ALS2: variants seen among roughly 807,000 people sequenced by gnomAD.
The protein encoded by ALS2 is alsin Rho guanine nucleotide exchange factor ALS2, also known as alsin.
A neutral mutation model predicts 203.4 loss-of-function variants in ALS2; 117 were observed. The observed-to-expected ratio is 0.58, with a 90% confidence interval of 0.50 to 0.67. The LOEUF (loss-of-function observed/expected upper bound fraction) is 0.67, where lower values mean the gene tolerates loss of function less well. Ranked by LOEUF, ALS2 falls within the 30% of genes least tolerant of loss-of-function variation. ALS2 has a pLI of 0.00. For synonymous variants in ALS2, 718 were observed against 725.9 expected (o/e 0.99, Z 0.17); for missense variants, 1,715 against 1,989.4 (o/e 0.86, Z 2.62).
Position 201,706,897 on chromosome 2 carries a change from C to T in ALS2, c.4529G>A (p.Arg1510Gln), listed in dbSNP as rs1163582192. Residue 1510 changes from arginine to glutamine, a missense_variant, in exon 29 of 34, where the codon CGA (arginine) becomes CAA (glutamine). By Grantham distance (43) the Arg-to-Gln change is conservative. This residue lies in a region of ALS2 where 1,227 missense variants were observed against 1,413.5 expected (regional missense o/e 0.87). Transcript: ENST00000264276. ...AGCAATATCTGGCTGCTTATTTAGT[C>T]GAAGGACACATTCCCAGTAAATGTC... ...EEDIYWECVL[R>Q]LNKQPDIALL... is the part of the protein sequence containing the mutation. The T allele has an allele frequency of 1.1e-5, 17 of 1,613,926 alleles. No individual in the cohort carries two copies. The highest frequency in any genetic ancestry group is 2.2e-5 in the South Asian group (2 of 91,080).
At chr2:201,775,304 G>A (rs1174510688) in intron 1 of ALS2, among the ~76,000 whole-genome samples, 1 of 152,086 alleles carries the variant, frequency 6.6e-6, no homozygotes, top group Non-Finnish European at 1.5e-5. Context: ...AGTGACAAGT[G>A]ATTTGGATAC....
chr2:201,721,124 A>G (rs1319871962), intron 23 of ALS2, among the ~76,000 whole-genome samples: 2 of 152,252 alleles, frequency 1.3e-5, no homozygotes, highest in Non-Finnish European at 2.9e-5. Context: ...GAAATGCAAG[A>G]TGTGTACACT....
chr2:201,747,658 C>G (rs1692756742), intron 8 of ALS2, among the ~76,000 whole-genome samples: 1 of 152,032 alleles, frequency 6.6e-6, no homozygotes, highest in South Asian at 2.1e-4. Context: ...ACCGTGTTAG[C>G]CAGGATGGTC....
At chr2:201,764,675 AAATAAAT>A (rs1693982771) in intron 3 of ALS2, among the ~76,000 whole-genome samples, 2 of 151,200 alleles carry the variant, frequency 1.3e-5, no homozygotes, top group South Asian at 4.2e-4. Context: ...ATAAATAAAT[AAATAAAT>A]AAAAGTGAAT....
At chr2:201,777,990 T>C (rs1168834480) in intron 1 of ALS2, among the ~76,000 whole-genome samples, 3 of 152,164 alleles carry the variant, frequency 2.0e-5, no homozygotes, top group Non-Finnish European at 4.4e-5. Context: ...ATTGCTCTTT[T>C]AAAGAGCTGC....
In ALS2 at chr2:201,727,184, T is replaced by C. The variant is rs184525874; in HGVS notation, c.2979+28A>G. The C allele has an allele frequency of 1.1e-4, 181 of 1,579,040 alleles. 1 individual carries two copies. The African/African-American group carries it at 1.7e-3, about 15-fold the overall frequency. On this transcript the variant is annotated intron_variant, in intron 17 of 33. Transcript: ENST00000264276. ...GAGGCAGAAAGAGCCAGGGCGAAGA[T>C]TGAAGGAAAATACCATAATAGACTA...
In ALS2 at chr2:201,700,876, T is replaced by A. The variant is rs1267412657; in HGVS notation, c.*975A>T. On this transcript the variant is annotated 3_prime_UTR_variant, in exon 34 of 34. Coordinates refer to ENST00000264276, the MANE Select transcript of ALS2 (RefSeq NM_020919.4). ...GAAATGTTGAGGTGCCACAATACTTTTGAGATGGAAAAAGCCAAAGCTTGT... is the reference window on the plus strand; with the variant it reads ...GAAATGTTGAGGTGCCACAATACTTATGAGATGGAAAAAGCCAAAGCTTGT... The A allele has an allele frequency of 1.3e-5, 2 of 152,324 alleles. No individual in the cohort carries two copies. Among genetic ancestry groups the A allele is most frequent in the African/African-American group, 4.8e-5 (2 of 41,456 alleles). 9.4% of individuals were successfully genotyped at this position (152,324 alleles called of 1,614,324 possible). A position where few individuals can be genotyped will look rare whatever the true frequency, so the allele number is the denominator to read the frequency against.
chr2:201,755,747 A>T (rs1693342803), intron 5 of ALS2, among the ~76,000 whole-genome samples: 1 of 152,242 alleles, frequency 6.6e-6, no homozygotes, highest in African/African-American at 2.4e-5. Context: ...TTTTACAGAG[A>T]TGTTAAAAAA....
intron 29 of ALS2, among the ~76,000 whole-genome samples, chr2:201,706,627 T>TA (rs1175217324): frequency 1.3e-5 from 2 of 148,444 alleles, no homozygotes; most frequent in Admixed American, 6.7e-5. Flanking sequence ...GAAAACATAA[T>TA]AAAAAACACA....
chr2:201,751,326 A>T (rs925223066), intron 7 of ALS2, among the ~76,000 whole-genome samples: 1 of 152,180 alleles, frequency 6.6e-6, no homozygotes, highest in Non-Finnish European at 1.5e-5. Flanking sequence ...CACTGCACGC[A>T]CATTTTCTCC....
At chr2:201,724,005 C>G (rs1397593885) in intron 21 of ALS2, among the ~76,000 whole-genome samples, 1 of 152,076 alleles carries the variant, frequency 6.6e-6, no homozygotes, top group Non-Finnish European at 1.5e-5. Flanking sequence ...GTGGTCCCAG[C>G]TACTTGGTAG....
intron 3 of ALS2, among the ~76,000 whole-genome samples, chr2:201,766,526 G>C (rs752267506): frequency 3.8e-4 from 58 of 151,840 alleles, no homozygotes; most frequent in Non-Finnish European, 7.5e-4. Context: ...GTGAGCACCT[G>C]TAATCCCAGC....
chr2:201,757,543 C>T lies in ALS2; in HGVS notation c.1330G>A (p.Glu444Lys), dbSNP rs367776747. 1.7e-5 allele frequency: 27 copies of T among 1,614,006 alleles called. No homozygotes were observed. Among genetic ancestry groups the T allele is most frequent in the East Asian group, 6.7e-5 (3 of 44,890 alleles). The change falls in exon 5 of 34, where the codon GAA becomes AAA. Residue 444 changes from glutamate (E) to lysine (K), a missense_variant. Physicochemically the swap from Glu to Lys is moderately conservative, Grantham distance 56 (BLOSUM62 1). This residue lies in a region of ALS2 where 476 missense variants were observed against 539.3 expected (regional missense o/e 0.88). Coordinates refer to ENST00000264276, the MANE Select transcript of ALS2 (RefSeq NM_020919.4). Reference sequence around the variant, plus strand: ...TCTTCCCTGCTATCTTTCAAACCTTCGGGGCCAATGGCACTACTGCCTGCC... The same window carrying T: ...TCTTCCCTGCTATCTTTCAAACCTTTGGGGCCAATGGCACTACTGCCTGCC... ...AQAGSSAIGP[E>K]GLKDSREEQV... is the part of the protein sequence containing the mutation.
intron 3 of ALS2, among the ~76,000 whole-genome samples, chr2:201,762,166 T>C (rs1307605833): frequency 6.6e-6 from 1 of 152,162 alleles, no homozygotes; most frequent in African/African-American, 2.4e-5. Flanking sequence ...AAAGGCAAAA[T>C]AAATAACCAT....
At chr2:201,704,867 A>G (rs1269572475) in intron 31 of ALS2, among the ~76,000 whole-genome samples, 3 of 152,162 alleles carry the variant, frequency 2.0e-5, no homozygotes, top group African/African-American at 7.2e-5. Context: ...TGAATGAGAA[A>G]TTTGGTTAAT....
chr2:201,715,693 C>T lies in ALS2; in HGVS notation c.3983G>A (p.Ser1328Asn), dbSNP rs1242751535. 1.7e-5 allele frequency: 28 copies of T among 1,614,110 alleles called. No individual in the cohort carries two copies. The highest frequency in any genetic ancestry group is 1.4e-5 in the Non-Finnish European group (16 of 1,180,040). The change falls in exon 25 of 34, where the codon AGT (serine) becomes AAT (asparagine). Residue 1328 changes from serine to asparagine, a missense_variant. Ser to Asn is a conservative substitution (Grantham distance 46). Transcript: ENST00000264276. ...TCACCTGTCTCTGTGCTGGCGCCGA[C>T]TGGTGGTCAAGGCCACAGCAATATT... Reference protein sequence around the residue: ...WDNIAVALTTSRRQHRDSPEI... With the variant: ...WDNIAVALTTNRRQHRDSPEI...
Position 201,768,577 on chromosome 2 carries a change from T to C in ALS2, c.20+289A>G, listed in dbSNP as rs548247029. On this transcript the variant is annotated intron_variant, in intron 2 of 33. Coordinates refer to ENST00000264276, the MANE Select transcript of ALS2 (RefSeq NM_020919.4). The stretch of plus-strand genomic sequence containing the variant: ...TAACTAGTTCTTTAAGGATGGAAGA[T>C]GATTAAGATTAGCAAGGCTACTTCT... Among the ~76,000 whole-genome samples, 7 of 152,338 alleles carry C rather than the reference T, an allele frequency of 4.6e-5. No homozygotes were observed. The South Asian group carries it at 6.2e-4, about 14-fold the overall frequency.
chr2:201,767,141 G>T (rs1281086979), intron 3 of ALS2, 88 bp downstream of exon 3: 7 of 1,488,696 alleles, frequency 4.7e-6, no homozygotes, highest in Admixed American at 3.4e-5. Flanking sequence ...AGAACCCCTA[G>T]TATCCAATGA....
intron 23 of ALS2, chr2:201,722,189 C>G (rs1690845713): frequency 6.6e-6 from 1 of 152,078 alleles, no homozygotes; most frequent in African/African-American, 2.4e-5. Context: ...AGGCCAAGAT[C>G]TGAATAGACA....
Sources: gnomAD v4.1 joint callset for allele counts (sites outside exome capture counted in the v4.1 genomes callset) on GRCh38, gnomAD v4.1.1 for gene constraint, gnomAD v4.1.1 regional missense constraint, MANE v1.5 for transcripts, NCBI Gene and HGNC (gene_info 2026-07-23, HGNC 2026-07-21) for gene names.